The following SCARA5 variants were observed in gnomAD, a reference collection of about 807,000 sequenced individuals.
SCARA5 encodes the protein scavenger receptor class A, member 5 (putative).
SCARA5 carries 45 observed loss-of-function variants against 46.3 expected under a neutral mutation model. The ratio of observed to expected loss-of-function variants is 0.97; its 90% CI spans 0.76 to 1.24. The LOEUF (loss-of-function observed/expected upper bound fraction) is 1.24, where lower values mean the gene tolerates loss of function less well. Among genes scored for constraint, SCARA5 ranks in the 50% most tolerant of loss-of-function variants. The pLI is 0.00. For missense variants in SCARA5, 680 were observed against 689.0 expected, an observed-to-expected ratio of 0.99 and a Z score of 0.15; for synonymous variants, 333 against 306.5, an observed-to-expected ratio of 1.09 and a Z score of -0.90.
intron 3 of SCARA5, among the ~76,000 whole-genome samples, chr8:27,944,040 G>A (rs931047120): frequency 3.3e-5 from 5 of 152,128 alleles, no homozygotes; most frequent in Admixed American, 6.5e-5. Context: ...TTTAACCTAC[G>A]TCAATCATGG....
intron 3 of SCARA5, among the ~76,000 whole-genome samples, chr8:27,961,210 G>A (rs947497063): frequency 6.6e-6 from 1 of 152,190 alleles, no homozygotes; most frequent in African/African-American, 2.4e-5. Context: ...TTGGAGGTGA[G>A]GCCTAGTGGG....
intron 3 of SCARA5, among the ~76,000 whole-genome samples, chr8:27,933,319 C>T (rs7846179): frequency 0.019 from 2,833 of 151,374 alleles, 76 homozygotes; most frequent in African/African-American, 0.064. Context: ...GTCAGGAGTT[C>T]GAGACCAGCC....
intron 4 of SCARA5, among the ~76,000 whole-genome samples, chr8:27,914,223 C>T (rs1807424850): frequency 2.0e-5 from 3 of 152,234 alleles, no homozygotes; most frequent in Non-Finnish European, 4.4e-5. Context: ...GATTGTGAGG[C>T]CTCCTCAGCC....
At chr8:27,956,953 T>G (rs1473358710) in intron 3 of SCARA5, among the ~76,000 whole-genome samples, 1 of 152,192 alleles carries the variant, frequency 6.6e-6, no homozygotes, top group African/African-American at 2.4e-5. Context: ...GCTCATTAGT[T>G]GCTCAGCTTC....
intron 4 of SCARA5, among the ~76,000 whole-genome samples, chr8:27,912,724 G>A (rs1807397907): frequency 6.6e-6 from 1 of 152,222 alleles, no homozygotes; most frequent in Admixed American, 6.5e-5. Context: ...AGATGCAAGG[G>A]ACTGCACCCT....
chr8:27,917,966 G>A (rs1443483942), intron 4 of SCARA5, among the ~76,000 whole-genome samples: 1 of 152,168 alleles, frequency 6.6e-6, no homozygotes, highest in African/African-American at 2.4e-5. Context: ...ACTGGGTAGG[G>A]GAAGCCTCTG....
At chr8:27,905,877 A>C (rs1441279408) in intron 6 of SCARA5, among the ~76,000 whole-genome samples, 5 of 151,722 alleles carry the variant, frequency 3.3e-5, no homozygotes, top group Non-Finnish European at 7.4e-5. Context: ...TGCCTGGCTA[A>C]GTTTTGTATT....
Position 27,879,671 on chromosome 8 carries a change from C to T in SCARA5, c.1249G>A (p.Val417Met). The T allele has an allele frequency of 6.2e-6, 10 of 1,613,074 alleles. No individual in the cohort carries two copies. Among genetic ancestry groups the T allele is most frequent in the Non-Finnish European group, 6.8e-6 (8 of 1,180,018 alleles). The stretch of plus-strand genomic sequence containing the variant: ...TTCTTGTCCCAGCCGTCGTCACACA[C>T]GGTGCCCCAACGCCGGTCGTGGTAC... ...EVYHDRRWGTVCDDGWDKKDG... is the reference protein window; with the variant it reads ...EVYHDRRWGTMCDDGWDKKDG... The change falls in exon 8 of 9, where the codon GTG becomes ATG. Residue 417 changes from valine to methionine, a missense_variant. This residue lies in a region of SCARA5 where 219 missense variants were observed against 269.5 expected (regional missense o/e 0.81). Coordinates refer to ENST00000354914, the MANE Select transcript of SCARA5 (RefSeq NM_173833.6).
intron 4 of SCARA5, among the ~76,000 whole-genome samples, chr8:27,911,797 G>T (rs781175511): frequency 1.1e-4 from 16 of 152,180 alleles, no homozygotes; most frequent in Non-Finnish European, 2.1e-4. Context: ...CTCAGAATAT[G>T]ACTTTATTTG....
At chr8:27,944,519 C>T (rs1428868356) in intron 3 of SCARA5, among the ~76,000 whole-genome samples, 1 of 151,992 alleles carries the variant, frequency 6.6e-6, no homozygotes, top group Non-Finnish European at 1.5e-5. Flanking sequence ...GGGTATATAG[C>T]ACTCTTTATA....
At chr8:27,912,252 G>A (rs1226557763) in intron 4 of SCARA5, among the ~76,000 whole-genome samples, 1 of 152,144 alleles carries the variant, frequency 6.6e-6, no homozygotes, top group Non-Finnish European at 1.5e-5. Context: ...AGATCAGAGG[G>A]TGTTAATAAT....
rs1451380256 is a variant in SCARA5 at position 27,918,150 on chromosome 8, GA to G, written c.916+3420del. Among the ~76,000 whole-genome samples the G allele has an allele frequency of 9.2e-5, 14 of 152,270 alleles. No homozygotes were observed. In the East Asian group the frequency reaches 2.1e-3, roughly 23 times the overall value. On this transcript the variant is annotated intron_variant, in intron 4 of 8. Transcript: ENST00000354914. ...GTCCTGATCATTGAACTGTACACCT[GA>G]AAAGGGGGTATTTCATGGCATGTAA... is the stretch of plus-strand genomic sequence containing the variant.
intron 8 of SCARA5, among the ~76,000 whole-genome samples, chr8:27,876,448 C>A (rs1253241416): frequency 6.6e-6 from 1 of 152,060 alleles, no homozygotes; most frequent in East Asian, 1.9e-4. Flanking sequence ...GACTCGGGGA[C>A]CAACCTGATG....
At chr8:27,893,013 G>T (rs1375194859) in intron 7 of SCARA5, among the ~76,000 whole-genome samples, 1 of 152,144 alleles carries the variant, frequency 6.6e-6, no homozygotes, top group Admixed American at 6.5e-5. Flanking sequence ...TCCCACCCCT[G>T]GTCAGGTGGC....
At chr8:27,894,147 T>C (rs1031182641) in intron 7 of SCARA5, among the ~76,000 whole-genome samples, 4 of 152,242 alleles carry the variant, frequency 2.6e-5, no homozygotes, top group Admixed American at 1.3e-4. Context: ...TGTGCGTGCA[T>C]TTGCTCATTT....
chr8:27,895,796 T>G (rs1428363403), intron 7 of SCARA5, among the ~76,000 whole-genome samples: 5 of 152,218 alleles, frequency 3.3e-5, no homozygotes, highest in Admixed American at 6.5e-5. Context: ...AGGATCGTAC[T>G]GGACTTTTAA....
intron 4 of SCARA5, among the ~76,000 whole-genome samples, chr8:27,911,903 A>G (rs574685481): frequency 1.3e-5 from 2 of 152,250 alleles, no homozygotes; most frequent in African/African-American, 4.8e-5. Context: ...TAAGAAGGGA[A>G]AACAGAGACA....
chr8:27,933,864 G>A (rs1287212993), intron 3 of SCARA5, among the ~76,000 whole-genome samples: 4 of 151,262 alleles, frequency 2.6e-5, no homozygotes, highest in Non-Finnish European at 4.4e-5. Flanking sequence ...AAGACAGGGA[G>A]AAGTTGGGAA....
chr8:27,987,466 C>G lies in SCARA5; in HGVS notation c.112+38G>C, dbSNP rs761623526. The G allele has an allele frequency of 3.1e-5, 45 of 1,466,322 alleles. 1 individual carries two copies. The highest frequency in any genetic ancestry group is 2.7e-4 in the South Asian group (24 of 88,120). 90.8% of individuals were successfully genotyped at this position (1,466,322 alleles called of 1,614,324 possible). A position where few individuals can be genotyped will look rare whatever the true frequency, so the allele number is the denominator to read the frequency against. On this transcript the variant is annotated intron_variant, in intron 2 of 8. Coordinates refer to ENST00000354914, the MANE Select transcript of SCARA5 (RefSeq NM_173833.6). ...TAGGGCTCCTTCCCCACCCCCAGGCCAGATCTTGTGCCCCAAGTCTGAGCC... is the reference window on the plus strand; with the variant it reads ...TAGGGCTCCTTCCCCACCCCCAGGCGAGATCTTGTGCCCCAAGTCTGAGCC...
Sources: allele counts gnomAD v4.1 joint callset (sites outside exome capture counted in the v4.1 genomes callset), GRCh38; gene constraint gnomAD v4.1.1; regional missense constraint gnomAD v4.1.1; transcripts MANE v1.5; gene names NCBI Gene and HGNC (gene_info 2026-07-23, HGNC 2026-07-21).